Variants in SPHKAP observed in about 807,000 individuals in gnomAD.
SPHKAP encodes the protein A-kinase anchor protein SPHKAP.
Under a neutral mutation model 137.5 loss-of-function variants are expected in SPHKAP, and 67 were observed. That is an observed-to-expected ratio of 0.49 (90% CI 0.40 to 0.60). The LOEUF (loss-of-function observed/expected upper bound fraction) is 0.60, where lower values mean the gene tolerates loss of function less well. Among genes scored for constraint, SPHKAP ranks in the 20% least tolerant of loss-of-function variants. The pLI is 0.00. For synonymous variants in SPHKAP, 813 were observed against 785.3 expected (o/e 1.04, Z -0.59); for missense variants, 2,097 against 2,069.3 (o/e 1.01, Z -0.26).
chr2:228,093,154 C>G (rs1362671183), intron 3 of SPHKAP, among the ~76,000 whole-genome samples: 1 of 152,184 alleles, frequency 6.6e-6, no homozygotes, highest in Non-Finnish European at 1.5e-5. Context: ...GTAGGGAGAT[C>G]GAAACCTTCC....
intron 3 of SPHKAP, among the ~76,000 whole-genome samples, chr2:228,101,477 C>G (rs1698180386): frequency 6.6e-6 from 1 of 152,116 alleles, no homozygotes; most frequent in Non-Finnish European, 1.5e-5. Flanking sequence ...TTCACTATTC[C>G]TATACTGCTG....
Position 228,001,633 on chromosome 2 carries a change from A to T in SPHKAP, c.4449-5939T>A, listed in dbSNP as rs1324593668. 2.0e-5 allele frequency among the ~76,000 whole-genome samples: 3 copies of T among 150,954 alleles called. No homozygotes were observed. The South Asian group carries it at 6.2e-4, about 31-fold the overall frequency. On this transcript the variant is annotated intron_variant, in intron 7 of 11. Coordinates refer to ENST00000392056, the MANE Select transcript of SPHKAP (RefSeq NM_001142644.2). ...TGTGCACAATGTGCAGGTTTGTTACATATGTATACATGTGCCATGTTGGTG... is the reference window on the plus strand; with the variant it reads ...TGTGCACAATGTGCAGGTTTGTTACTTATGTATACATGTGCCATGTTGGTG...
intron 1 of SPHKAP, among the ~76,000 whole-genome samples, chr2:228,136,639 G>A (rs1699446450): frequency 6.6e-6 from 1 of 152,174 alleles, no homozygotes; most frequent in Non-Finnish European, 1.5e-5. Flanking sequence ...TCACTTGGGA[G>A]CTTGTTAGAC....
chr2:228,002,342 G>A (rs1046550053), intron 7 of SPHKAP, among the ~76,000 whole-genome samples: 16 of 152,228 alleles, frequency 1.1e-4, no homozygotes, highest in East Asian at 1.9e-4. Context: ...ATTTTTTCAC[G>A]TGTCTGTTGG....
Position 228,017,035 on chromosome 2 carries a change from G to A in SPHKAP, c.3819C>T (p.Ser1273=), listed in dbSNP as rs1421399797. The change falls in exon 7 of 12, where the codon AGC becomes AGT. Residue 1273 remains serine (S), a synonymous_variant. Transcript: ENST00000392056. ...AGGACGCGCTACTGACCGGCTGCAC[G>A]CTTAGGAAATCTTGTGGGCAGTTCT... The part of the protein sequence containing the change: ...FAQNCPQDFL[S]VQPVSSASSS... 5 of 1,613,952 alleles carry A rather than the reference G, an allele frequency of 3.1e-6. No individual in the cohort carries two copies. The highest frequency in any genetic ancestry group is 3.4e-6 in the Non-Finnish European group (4 of 1,180,012).
At chr2:228,038,074 T>A (rs1228094615) in intron 3 of SPHKAP, among the ~76,000 whole-genome samples, 2 of 152,172 alleles carry the variant, frequency 1.3e-5, no homozygotes, top group Admixed American at 6.5e-5. Flanking sequence ...GATGAGGAGA[T>A]CGAATGTCTT....
At chr2:228,053,892 G>A (rs572771038) in intron 3 of SPHKAP, among the ~76,000 whole-genome samples, 1 of 151,972 alleles carries the variant, frequency 6.6e-6, no homozygotes, top group South Asian at 2.1e-4. Context: ...TACATTGTTT[G>A]TTCTACTTTA....
At chr2:228,159,027 C>CCT (rs1700194548) in intron 1 of SPHKAP, among the ~76,000 whole-genome samples, 4 of 152,096 alleles carry the variant, frequency 2.6e-5, no homozygotes, top group Non-Finnish European at 4.4e-5. Flanking sequence ...GAAACCAAGA[C>CCT]TGAGGGATGA....
At chr2:228,092,026 CATCA>C (rs1199923079) in intron 3 of SPHKAP, among the ~76,000 whole-genome samples, 3 of 151,356 alleles carry the variant, frequency 2.0e-5, no homozygotes, top group Non-Finnish European at 2.9e-5. Context: ...CCCAAATGCC[CATCA>C]ATCAATAAGT....
At chr2:228,169,786 GAGA>G (rs1475069650) in intron 1 of SPHKAP, 1 of 151,964 alleles carries the variant, frequency 6.6e-6, no homozygotes, top group Non-Finnish European at 1.5e-5. Context: ...GAATGATACA[GAGA>G]AGATTAGCAT....
chr2:228,017,162 G>T lies in SPHKAP; in HGVS notation c.3692C>A (p.Pro1231Gln). 1 of 1,613,964 alleles carries T rather than the reference G, an allele frequency of 6.2e-7. No individual in the cohort carries two copies. Among genetic ancestry groups the T allele is most frequent in the Non-Finnish European group, 8.5e-7 (1 of 1,180,004 alleles). ...AGLLSPSLRS[P>Q]VCHRQSSMPD... ...CATGGACGACTGTCTGTGGCACACT[G>T]GGGATCGCAGAGAAGGAGACAGCAG... is the stretch of plus-strand genomic sequence containing the variant. The change falls in exon 7 of 12, where the codon CCA becomes CAA. Residue 1231 changes from proline (P) to glutamine (Q), a missense_variant. By Grantham distance (76) the Pro-to-Gln change is moderately conservative. Transcript: ENST00000392056.
chr2:228,091,353 T>A (rs1333672427), intron 3 of SPHKAP, among the ~76,000 whole-genome samples: 1 of 152,174 alleles, frequency 6.6e-6, no homozygotes, highest in Non-Finnish European at 1.5e-5. Context: ...AGACATTGGC[T>A]TAGGCAAAGA....
chr2:228,142,936 C>T (rs925087490), intron 1 of SPHKAP, among the ~76,000 whole-genome samples: 1 of 152,192 alleles, frequency 6.6e-6, no homozygotes, highest in Non-Finnish European at 1.5e-5. Context: ...CCTGCCCATA[C>T]TTTCCACAAC....
intron 3 of SPHKAP, among the ~76,000 whole-genome samples, chr2:228,085,371 T>C (rs530297993): frequency 6.6e-6 from 1 of 152,246 alleles, no homozygotes; most frequent in Admixed American, 6.5e-5. Context: ...GTTGAAAATA[T>C]GTAAACATTC....
chr2:228,109,021 T>G (rs1241018865), intron 2 of SPHKAP, 82 bp from the exon 3 acceptor site: 1 of 855,972 alleles, frequency 1.2e-6, no homozygotes, highest in Non-Finnish European at 1.7e-6. Flanking sequence ...TTTTTTTTTC[T>G]TATAAAAAAA....
rs530885717 is a variant in SPHKAP, at chr2:228,132,184, T to A, written c.33-99A>T. The A allele has an allele frequency of 2.4e-5, 25 of 1,045,430 alleles. No homozygotes were observed. The East Asian group carries it at 6.1e-4, about 25-fold the overall frequency. The allele number at this position is 1,045,430 out of a possible 1,614,324, so 64.8% of individuals were successfully genotyped here. ...TCACAACATGGTGTATCAAAAATCA[T>A]CTTTTTCAGATTGCATTAAACACTG... is the stretch of plus-strand genomic sequence containing the variant. On this transcript the variant is annotated intron_variant, in intron 1 of 11. Transcript: ENST00000392056.
chr2:228,106,804 C>T (rs1227209011), intron 3 of SPHKAP, among the ~76,000 whole-genome samples: 1 of 152,098 alleles, frequency 6.6e-6, no homozygotes, highest in Non-Finnish European at 1.5e-5. Flanking sequence ...AAATATGTGC[C>T]AAGCCAGAAA....
intron 3 of SPHKAP, among the ~76,000 whole-genome samples, chr2:228,053,845 A>T (rs542944763): frequency 1.3e-5 from 2 of 152,176 alleles, no homozygotes; most frequent in African/African-American, 2.4e-5. Context: ...CACATCTCTC[A>T]TCCATTGTCC....
chr2:228,110,447 A>G (rs1013674023), intron 2 of SPHKAP, among the ~76,000 whole-genome samples: 8 of 152,156 alleles, frequency 5.3e-5, no homozygotes, highest in Admixed American at 1.3e-4. Context: ...GTGGATGAGC[A>G]AGTAATTGAA....
Sources: allele counts gnomAD v4.1 joint callset (sites outside exome capture counted in the v4.1 genomes callset), GRCh38; gene constraint gnomAD v4.1.1; transcripts MANE v1.5; gene names NCBI Gene and HGNC (gene_info 2026-07-23, HGNC 2026-07-21).